Variants in MYZAP observed in about 807,000 individuals in gnomAD.
MYZAP encodes the protein GRINL1A complex locus upstream.
In MYZAP, 66 loss-of-function variants were observed where a neutral mutation model predicts 69.4. That is an observed-to-expected ratio of 0.95 (90% CI 0.78 to 1.17). The LOEUF (loss-of-function observed/expected upper bound fraction) is 1.17, where lower values mean the gene tolerates loss of function less well. MYZAP is among the 50% of genes most tolerant of loss of function. MYZAP has a pLI of 0.00. For missense variants in MYZAP, 611 were observed against 556.2 expected, an observed-to-expected ratio of 1.10 and a Z score of -0.99; for synonymous variants, 256 against 205.9, an observed-to-expected ratio of 1.24 and a Z score of -2.09.
intron 1 of MYZAP, among the ~76,000 whole-genome samples, chr15:57,601,514 T>C (rs1261394818): frequency 6.6e-6 from 1 of 152,116 alleles, no homozygotes; most frequent in East Asian, 1.9e-4. Flanking sequence ...CAAGATTCCC[T>C]ACTCAAGATC....
intron 10 of MYZAP, chr15:57,646,480 G>A (rs544734999): frequency 1.9e-6 from 2 of 1,027,260 alleles, no homozygotes; most frequent in South Asian, 7.2e-5. Flanking sequence ...AGAAGGAACT[G>A]CAATGAAAAA....
In MYZAP at chr15:57,676,410, GTATATATATGTGTATATATATA is replaced by G. The variant is rs1222102328; in HGVS notation, c.1304+1346_1304+1367del. ...TAGAAAATGTTGAATATATATATATGTATATATATGTGTATATATATATATGTATATATATATATATATATAT... is the reference window on the plus strand; with the variant it reads ...TAGAAAATGTTGAATATATATATATGTATGTATATATATATATATATATAT... On this transcript the variant is annotated intron_variant, in intron 12 of 12. Coordinates refer to ENST00000267853, the MANE Select transcript of MYZAP (RefSeq NM_001018100.5). Among the ~76,000 whole-genome samples the G allele has an allele frequency of 7.0e-3, 180 of 25,620 alleles. No homozygotes were observed. The Middle Eastern group carries it at 0.095, about 14-fold the overall frequency. 16.8% of individuals were successfully genotyped at this position (25,620 alleles called of 152,430 possible).
At chr15:57,611,847 C>T (rs1263424139) in intron 2 of MYZAP, among the ~76,000 whole-genome samples, 6 of 152,108 alleles carry the variant, frequency 3.9e-5, no homozygotes, top group African/African-American at 9.7e-5. Context: ...TCAAGTATTC[C>T]TCCTGTCTCA....
intron 10 of MYZAP, among the ~76,000 whole-genome samples, chr15:57,653,820 C>T (rs933142311): frequency 6.6e-6 from 1 of 151,738 alleles, no homozygotes; most frequent in Non-Finnish European, 1.5e-5. Flanking sequence ...GCCTAAGTAA[C>T]ATAGCGAGAC....
At chr15:57,682,299 T>A (rs1278445955) in intron 12 of MYZAP, among the ~76,000 whole-genome samples, 1 of 152,116 alleles carries the variant, frequency 6.6e-6, no homozygotes, top group Non-Finnish European at 1.5e-5. Context: ...GTAGTAGAAG[T>A]CATTTCTGCC....
chr15:57,636,936 A>G (rs374213872), intron 8 of MYZAP, among the ~76,000 whole-genome samples: 2 of 152,156 alleles, frequency 1.3e-5, no homozygotes, highest in Admixed American at 6.5e-5. Flanking sequence ...GCAGAGCTGG[A>G]TTCCTTTTGG....
intron 10 of MYZAP, among the ~76,000 whole-genome samples, chr15:57,643,963 T>C (rs1216935821): frequency 1.3e-5 from 2 of 152,246 alleles, no homozygotes; most frequent in Non-Finnish European, 2.9e-5. Flanking sequence ...TTGAGATGTT[T>C]AATAAGTGCA....
chr15:57,627,410 A>AGGGGG (rs2036213783), intron 5 of MYZAP, among the ~76,000 whole-genome samples: 1 of 88,406 alleles, frequency 1.1e-5, no homozygotes, highest in Admixed American at 1.2e-4. Context: ...AGGGGAGGGG[A>AGGGGG]AGGGGGAGGA....
At chr15:57,656,482 C>A (rs2038016085) in intron 10 of MYZAP, among the ~76,000 whole-genome samples, 1 of 152,196 alleles carries the variant, frequency 6.6e-6, no homozygotes, top group Admixed American at 6.5e-5. Flanking sequence ...AGAAACAATA[C>A]CAGCCACACA....
intron 10 of MYZAP, among the ~76,000 whole-genome samples, chr15:57,648,991 C>T (rs900665618): frequency 7.3e-5 from 11 of 151,096 alleles, no homozygotes; most frequent in East Asian, 3.9e-4. Context: ...TTAAATTTTA[C>T]GTAAATTTTA....
intron 11 of MYZAP, among the ~76,000 whole-genome samples, chr15:57,662,057 A>G (rs1373083951): frequency 3.9e-5 from 6 of 152,158 alleles, no homozygotes; most frequent in African/African-American, 9.7e-5. Context: ...GCGAGTGAAG[A>G]TGTGTTAGAG....
intron 3 of MYZAP, among the ~76,000 whole-genome samples, chr15:57,619,356 T>G (rs549255629): frequency 6.6e-6 from 1 of 152,304 alleles, no homozygotes; most frequent in African/African-American, 2.4e-5. Flanking sequence ...AAAATTTATT[T>G]TATTGTATAT....
chr15:57,626,577 A>G (rs997985329), intron 5 of MYZAP, among the ~76,000 whole-genome samples: 3 of 152,212 alleles, frequency 2.0e-5, no homozygotes, highest in African/African-American at 4.8e-5. Context: ...AAAGCATTGT[A>G]TGTATTTGAA....
rs111274828 is a variant in MYZAP at position 57,639,217 on chromosome 15, T to TA, written c.1014-223_1014-222insA. 9.5e-3 allele frequency among the ~76,000 whole-genome samples: 1,447 copies of TA among 151,802 alleles called. 19 individuals are homozygous for TA. Among genetic ancestry groups the TA allele is most frequent in the African/African-American group, 0.031 (1,301 of 41,422 alleles). On this transcript the variant is annotated intron_variant, in intron 9 of 12. Coordinates refer to ENST00000267853, the MANE Select transcript of MYZAP (RefSeq NM_001018100.5). The stretch of plus-strand genomic sequence containing the variant: ...TGTTTTCTATTTTTATTTATTTATT[T>TA]TTTTTTTTTGTGGAGATGAGGGTCT...
intron 12 of MYZAP, among the ~76,000 whole-genome samples, chr15:57,675,551 T>C (rs2039075510): frequency 6.6e-6 from 1 of 152,166 alleles, no homozygotes; most frequent in Non-Finnish European, 1.5e-5. Context: ...AAGTCATCTG[T>C]TCCTCAGTAC....
At chr15:57,663,612 C>T (rs958042213) in intron 11 of MYZAP, among the ~76,000 whole-genome samples, 3 of 152,156 alleles carry the variant, frequency 2.0e-5, no homozygotes, top group Admixed American at 2.0e-4. Flanking sequence ...CACTAACTCC[C>T]ATCAGTCATT....
chr15:57,658,769 A>C (rs2038132248), intron 10 of MYZAP, among the ~76,000 whole-genome samples: 1 of 152,214 alleles, frequency 6.6e-6, no homozygotes, highest in African/African-American at 2.4e-5. Flanking sequence ...AAGTGGTGAC[A>C]ACCCAAAACA....
At chr15:57,607,220 T>C (rs1194900157) in intron 2 of MYZAP, among the ~76,000 whole-genome samples, 2 of 152,150 alleles carry the variant, frequency 1.3e-5, no homozygotes, top group Non-Finnish European at 2.9e-5. Context: ...TATAGTCTTT[T>C]GGAGTTAGAC....
intron 5 of MYZAP, 47 bp from the exon 6 acceptor site, chr15:57,629,655 T>C: frequency 6.3e-7 from 1 of 1,592,950 alleles, no homozygotes; most frequent in Non-Finnish European, 8.5e-7. Flanking sequence ...AGCCCATGTG[T>C]TTTCACGCCA....
Sources: allele counts gnomAD v4.1 joint callset (sites outside exome capture counted in the v4.1 genomes callset), GRCh38; gene constraint gnomAD v4.1.1; transcripts MANE v1.5; gene names NCBI Gene and HGNC (gene_info 2026-07-23, HGNC 2026-07-21).